Variants in CADPS observed in about 807,000 individuals in gnomAD.
CADPS encodes calcium-dependent secretion activator 1.
Under a neutral mutation model 167.3 loss-of-function variants are expected in CADPS, and 57 were observed. The observed-to-expected ratio is 0.34, with a 90% CI of 0.28 to 0.42. The LOEUF (loss-of-function observed/expected upper bound fraction) is 0.42, where lower values mean the gene tolerates loss of function less well. Ranked by LOEUF, CADPS falls within the 20% of genes least tolerant of loss-of-function variation. CADPS has a pLI of 1.00. For missense variants in CADPS, 1,414 were observed against 1,738.1 expected (o/e 0.81, Z 3.32); for synonymous variants, 676 against 635.3 (o/e 1.06, Z -0.96).
At chr3:62,716,543 C>G (rs1016033377) in intron 3 of CADPS, among the ~76,000 whole-genome samples, 2 of 152,174 alleles carry the variant, frequency 1.3e-5, no homozygotes, top group Non-Finnish European at 2.9e-5. Flanking sequence ...GATCAAAGCA[C>G]TTTGCCCTTT....
chr3:62,526,764 T>C (rs1171707330), intron 13 of CADPS, among the ~76,000 whole-genome samples: 2 of 152,336 alleles, frequency 1.3e-5, no homozygotes, highest in Middle Eastern at 3.4e-3. Context: ...AAAAGTTAGT[T>C]CAAACTAATG....
intron 6 of CADPS, among the ~76,000 whole-genome samples, chr3:62,638,085 A>G (rs2066674203): frequency 3.6e-5 from 1 of 27,584 alleles, no homozygotes; most frequent in Non-Finnish European, 2.4e-4. Flanking sequence ...CATTATATAT[A>G]TATATATATG....
intron 8 of CADPS, among the ~76,000 whole-genome samples, chr3:62,577,943 A>G (rs900600120): frequency 6.6e-6 from 1 of 152,232 alleles, no homozygotes; most frequent in East Asian, 1.9e-4. Context: ...AAAAGGTAAC[A>G]AAGATCAGAT....
chr3:62,853,021 T>C (rs1384797470), intron 1 of CADPS, among the ~76,000 whole-genome samples: 1 of 152,196 alleles, frequency 6.6e-6, no homozygotes, highest in Non-Finnish European at 1.5e-5. Context: ...GAGATGTAAA[T>C]GAGCTACAGC....
intron 13 of CADPS, among the ~76,000 whole-genome samples, chr3:62,529,815 T>C (rs2073230704): frequency 6.6e-6 from 1 of 152,200 alleles, no homozygotes; most frequent in South Asian, 2.1e-4. Context: ...GCATACAGCA[T>C]ACACGCTTGA....
chr3:62,631,286 G>C (rs80019809), intron 6 of CADPS, among the ~76,000 whole-genome samples: 1 of 152,148 alleles, frequency 6.6e-6, no homozygotes, highest in Admixed American at 6.5e-5. Flanking sequence ...TTGCTTGGCA[G>C]ACCCATTGTC....
intron 3 of CADPS, among the ~76,000 whole-genome samples, chr3:62,730,875 C>T (rs973394817): frequency 2.6e-5 from 4 of 152,194 alleles, no homozygotes; most frequent in Non-Finnish European, 5.9e-5. Flanking sequence ...TATGAGATGG[C>T]CATTTGGGCC....
intron 1 of CADPS, among the ~76,000 whole-genome samples, chr3:62,865,683 A>G (rs2081559680): frequency 6.6e-6 from 1 of 152,194 alleles, no homozygotes; most frequent in Non-Finnish European, 1.5e-5. Flanking sequence ...ATGTATCAGA[A>G]AAGTCCATAT....
At chr3:62,799,711 A>C (rs762349252) in intron 1 of CADPS, among the ~76,000 whole-genome samples, 1 of 152,126 alleles carries the variant, frequency 6.6e-6, no homozygotes, top group African/African-American at 2.4e-5. Flanking sequence ...TTTGGGGTTT[A>C]TAATGGGGTT....
rs1164540680 is a variant in CADPS, at chr3:62,433,274, A to C, written c.3777+4830T>G. 1.3e-5 allele frequency among the ~76,000 whole-genome samples: 2 copies of C among 152,200 alleles called. No individual in the cohort carries two copies. The highest frequency in any genetic ancestry group is 2.4e-5 in the African/African-American group (1 of 41,454). ...TACCCTTTTCAAGGGAACTAGTCAC[A>C]CTCAATTATTGTTCTGCCACACAAA... On this transcript the variant is annotated intron_variant, in intron 28 of 29. Coordinates refer to ENST00000383710, the MANE Select transcript of CADPS (RefSeq NM_003716.4). The surrounding 1 kb of genome is among the most constrained non-coding windows in gnomAD (Gnocchi z 4.7).
At position 62,875,253 on chromosome 3, in the gene CADPS, G is replaced by A; in HGVS notation, c.-224C>T. 1 of 387,306 alleles carries A rather than the reference G, an allele frequency of 2.6e-6. No homozygotes were observed. The highest frequency in any genetic ancestry group is 7.2e-5 in the South Asian group (1 of 13,836). The allele number at this position is 387,306 out of a possible 1,614,324, so 24.0% of individuals were successfully genotyped here. ...CGCGAAGGGAGGAGGGGAAGGGAGAGGTGCGTCCGTGGACTCGAGGTGGGC... is the reference window on the plus strand; with the variant it reads ...CGCGAAGGGAGGAGGGGAAGGGAGAAGTGCGTCCGTGGACTCGAGGTGGGC... On this transcript the variant is annotated 5_prime_UTR_variant, in exon 1 of 30. Transcript: ENST00000383710.
At chr3:62,407,716 A>G (rs1205131428) in intron 28 of CADPS, among the ~76,000 whole-genome samples, 1 of 152,106 alleles carries the variant, frequency 6.6e-6, no homozygotes, top group Non-Finnish European at 1.5e-5. Context: ...CAGAAACATC[A>G]TGGATATACT....
In CADPS at chr3:62,740,725, C is replaced by G. The variant is rs914023351; in HGVS notation, c.888+12716G>C. Among the ~76,000 whole-genome samples the G allele has an allele frequency of 9.2e-5, 14 of 152,252 alleles. No homozygotes were observed. The South Asian group carries it at 2.9e-3, about 32-fold the overall frequency. On this transcript the variant is annotated intron_variant, in intron 3 of 29. Coordinates refer to ENST00000383710, the MANE Select transcript of CADPS (RefSeq NM_003716.4). Reference sequence around the variant, plus strand: ...CCCTACTACCCCTATCACCATGCCACTAACTACCATCACCAACCCAGGCTA... The same window carrying G: ...CCCTACTACCCCTATCACCATGCCAGTAACTACCATCACCAACCCAGGCTA...
intron 9 of CADPS, among the ~76,000 whole-genome samples, chr3:62,567,149 A>G (rs114091125): frequency 1.1e-3 from 165 of 152,214 alleles, no homozygotes; most frequent in Admixed American, 2.6e-3. Flanking sequence ...TGTTTTCCAC[A>G]TATTTCCTCT....
chr3:62,482,704 G>A (rs539226291), intron 21 of CADPS, among the ~76,000 whole-genome samples: 1 of 152,154 alleles, frequency 6.6e-6, no homozygotes, highest in East Asian at 1.9e-4. Context: ...CTTGGAAGTG[G>A]GACAGACACT....
In CADPS at chr3:62,544,865, A is replaced by C. The variant is rs1362969733; in HGVS notation, c.1966+5038T>G. The C allele has an allele frequency of 8.0e-7, 1 of 1,247,188 alleles. No homozygotes were observed. The highest frequency in any genetic ancestry group is 1.0e-6 in the Non-Finnish European group (1 of 968,590). The allele number at this position is 1,247,188 out of a possible 1,614,324, so 77.3% of individuals were successfully genotyped here. A position where few individuals can be genotyped will look rare whatever the true frequency, so the allele number is the denominator to read the frequency against. On this transcript the variant is annotated intron_variant, in intron 11 of 29. Coordinates refer to ENST00000383710, the MANE Select transcript of CADPS (RefSeq NM_003716.4). This position sits in a 1 kb window ranked among gnomAD's most constrained non-coding sequence, Gnocchi z 4.4. ...GCACTTACCCTTCAGTCCAGCTAGA[A>C]GTTAGCAGGGTAAGAAGGAACAAAC...
chr3:62,802,237 C>G lies in CADPS; in HGVS notation c.442-36253G>C, dbSNP rs186483940. ...TAAGACACACATGCACACATGTGCA[C>G]ACACACAAACCTACATACCTGTAAA... is the stretch of plus-strand genomic sequence containing the variant. On this transcript the variant is annotated intron_variant, in intron 1 of 29. Transcript: ENST00000383710. 3.3e-3 allele frequency among the ~76,000 whole-genome samples: 499 copies of G among 152,274 alleles called. 7 individuals are homozygous for G. The highest frequency in any genetic ancestry group is 0.012 in the African/African-American group (482 of 41,548).
At chr3:62,652,528 A>G (rs2070462327) in intron 4 of CADPS, among the ~76,000 whole-genome samples, 2 of 152,094 alleles carry the variant, frequency 1.3e-5, no homozygotes, top group Non-Finnish European at 2.9e-5. Context: ...AACTAGACTG[A>G]GAGACATTGA....
At chr3:62,695,187 G>A (rs529397427) in intron 3 of CADPS, among the ~76,000 whole-genome samples, 1 of 152,106 alleles carries the variant, frequency 6.6e-6, no homozygotes, top group South Asian at 2.1e-4. Flanking sequence ...GAGATTTTTT[G>A]ACCTGATTTT....
Sources: gnomAD v4.1 joint callset for allele counts (sites outside exome capture counted in the v4.1 genomes callset) on GRCh38, gnomAD v4.1.1 for gene constraint, Gnocchi (gnomAD v3.1) non-coding constraint, MANE v1.5 for transcripts, NCBI Gene and HGNC (gene_info 2026-07-23, HGNC 2026-07-21) for gene names.